Variants in PAK1 observed in about 807,000 individuals in gnomAD.
The protein encoded by PAK1 is p21 (RAC1) activated kinase 1.
In PAK1, 29 loss-of-function variants were observed where a neutral mutation model predicts 67.4. The ratio of observed to expected loss-of-function variants is 0.43; its 90% CI spans 0.32 to 0.59. PAK1 has a LOEUF of 0.59. PAK1 is among the 20% of genes least tolerant of loss of function. The probability of loss-of-function intolerance (pLI) is 0.07; values close to 1 mark genes in which losing one functional copy is unlikely to be tolerated. For synonymous variants in PAK1, 223 were observed against 237.4 expected (o/e 0.94, Z 0.56); for missense variants, 337 against 670.7 (o/e 0.50, Z 5.50).
chr11:77,332,239 G>A (rs1245148157), intron 14 of PAK1, among the ~76,000 whole-genome samples: 1 of 139,188 alleles, frequency 7.2e-6, no homozygotes, highest in Non-Finnish European at 1.5e-5. Flanking sequence ...GTGAACCCAG[G>A]AGAGGAAGAC....
At chr11:77,327,173 G>C (rs1197981104) in intron 14 of PAK1, among the ~76,000 whole-genome samples, 2 of 152,206 alleles carry the variant, frequency 1.3e-5, no homozygotes, top group East Asian at 3.9e-4. Flanking sequence ...ATACCTGAAA[G>C]TGACGGGGAG....
the PAK1 span, among the ~76,000 whole-genome samples, chr11:77,496,749 A>G: frequency 6.6e-6 from 1 of 152,170 alleles, no homozygotes; most frequent in Non-Finnish European, 1.5e-5. Flanking sequence ...CCTGGCCAAT[A>G]TGGCAAAACG....
intron 1 of PAK1, among the ~76,000 whole-genome samples, chr11:77,400,216 C>T (rs539594724): frequency 3.3e-5 from 5 of 152,140 alleles, no homozygotes; most frequent in African/African-American, 1.2e-4. Flanking sequence ...ATCCAGACCA[C>T]AGAATAACAT....
At chr11:77,498,503 G>A in the PAK1 span, among the ~76,000 whole-genome samples, 1 of 151,714 alleles carries the variant, frequency 6.6e-6, no homozygotes, top group African/African-American at 2.4e-5. Flanking sequence ...CACACATGGT[G>A]CCACGGCCCA....
chr11:77,371,472 T>C (rs927875172), intron 5 of PAK1, among the ~76,000 whole-genome samples: 1 of 152,198 alleles, frequency 6.6e-6, no homozygotes, highest in African/African-American at 2.4e-5. Context: ...AGATACTAAG[T>C]CAATATTTAG....
chr11:77,358,202 G>C (rs1946304526), intron 6 of PAK1, among the ~76,000 whole-genome samples: 1 of 151,660 alleles, frequency 6.6e-6, no homozygotes, highest in South Asian at 2.1e-4. Flanking sequence ...CTTCATTATG[G>C]AGCTCTCATC....
chr11:77,487,596 T>C, the PAK1 span, among the ~76,000 whole-genome samples: 2 of 151,970 alleles, frequency 1.3e-5, no homozygotes, highest in Admixed American at 1.3e-4. Context: ...CCAGCAGCAT[T>C]CACCACAAGT....
intron 4 of PAK1, among the ~76,000 whole-genome samples, chr11:77,377,354 A>C (rs1949230025): frequency 6.6e-6 from 1 of 152,188 alleles, no homozygotes; most frequent in South Asian, 2.1e-4. Flanking sequence ...GAGATATGAC[A>C]CTTAAAAAAA....
intron 1 of PAK1, among the ~76,000 whole-genome samples, chr11:77,426,692 A>G (rs955365074): frequency 1.3e-5 from 2 of 152,202 alleles, no homozygotes; most frequent in Non-Finnish European, 2.9e-5. Context: ...AATCAAAATA[A>G]GAGTTAGTCT....
chr11:77,429,385 A>T (rs1361309997), intron 1 of PAK1, among the ~76,000 whole-genome samples: 1 of 152,216 alleles, frequency 6.6e-6, no homozygotes, highest in East Asian at 1.9e-4. Context: ...ATATTTACAT[A>T]GTACTGCCTA....
intron 1 of PAK1, among the ~76,000 whole-genome samples, chr11:77,464,679 A>C (rs1025855252): frequency 6.6e-6 from 1 of 152,234 alleles, no homozygotes; most frequent in Non-Finnish European, 1.5e-5. Flanking sequence ...ACTTTAAGTC[A>C]AAAATGCATT....
At chr11:77,343,313 G>T (rs757728621) in intron 10 of PAK1, among the ~76,000 whole-genome samples, 1 of 151,336 alleles carries the variant, frequency 6.6e-6, no homozygotes, top group African/African-American at 2.4e-5. Context: ...AACTTACTGG[G>T]AGTCAAAGCA....
At chr11:77,523,090 G>T in the PAK1 span, among the ~76,000 whole-genome samples, 1 of 152,196 alleles carries the variant, frequency 6.6e-6, no homozygotes, top group African/African-American at 2.4e-5. Context: ...GAGGGAAAGG[G>T]GCAAGGGTGG....
At chr11:77,355,952 C>T in intron 6 of PAK1, 110 bp from the exon 7 acceptor site, 1 of 674,516 alleles carries the variant, frequency 1.5e-6, no homozygotes, top group Non-Finnish European at 2.6e-6. Context: ...TAAACTCATC[C>T]TTTCTCTTAT....
chr11:77,327,019 G>C (rs1361686507), intron 14 of PAK1, among the ~76,000 whole-genome samples: 1 of 152,192 alleles, frequency 6.6e-6, no homozygotes, highest in Admixed American at 6.5e-5. Flanking sequence ...CGATCAACTG[G>C]AAGAAAGGGT....
At chr11:77,420,796 A>G (rs184535450) in intron 1 of PAK1, among the ~76,000 whole-genome samples, 20 of 152,308 alleles carry the variant, frequency 1.3e-4, no homozygotes, top group Admixed American at 9.8e-4. Context: ...ATGTCAAGGG[A>G]AATTTTGGAT....
chr11:77,389,063 TAG>T (rs1950809129), intron 2 of PAK1, among the ~76,000 whole-genome samples: 1 of 152,188 alleles, frequency 6.6e-6, no homozygotes, highest in South Asian at 2.1e-4. Flanking sequence ...CCACCCCTCT[TAG>T]TAATCATCTC....
At chr11:77,526,227 A>G in the PAK1 span, among the ~76,000 whole-genome samples, 4 of 152,356 alleles carry the variant, frequency 2.6e-5, no homozygotes, top group East Asian at 3.9e-4. Flanking sequence ...TTCATGGCCA[A>G]TTGAGAAGTG....
At chr11:77,384,351 T>C (rs976384730) in intron 2 of PAK1, among the ~76,000 whole-genome samples, 1 of 152,150 alleles carries the variant, frequency 6.6e-6, no homozygotes, top group African/African-American at 2.4e-5. Flanking sequence ...ATCCCAGGGA[T>C]ATAGTATCCC....
Sources: allele counts gnomAD v4.1 joint callset (sites outside exome capture counted in the v4.1 genomes callset), GRCh38; gene constraint gnomAD v4.1.1; transcripts MANE v1.5; gene names NCBI Gene and HGNC (gene_info 2026-07-23, HGNC 2026-07-21).